CHRM3: variants seen among roughly 807,000 people sequenced by gnomAD.
The protein encoded by CHRM3 is muscarinic acetylcholine receptor M3.
In CHRM3, 11 loss-of-function variants were observed where a neutral mutation model predicts 41.8. The observed-to-expected ratio is 0.26, with a 90% CI of 0.17 to 0.44. CHRM3 has a LOEUF of 0.44. Among genes scored for constraint, CHRM3 ranks in the 20% least tolerant of loss-of-function variants. The probability of loss-of-function intolerance (pLI) is 1.00; values close to 1 mark genes in which losing one functional copy is unlikely to be tolerated. For synonymous variants in CHRM3, 297 were observed against 301.4 expected, an observed-to-expected ratio of 0.99 and a Z score of 0.15; for missense variants, 571 against 745.4, an observed-to-expected ratio of 0.77 and a Z score of 2.72.
At chr1:239,498,757 T>C (rs2148117513) in intron 2 of CHRM3, among the ~76,000 whole-genome samples, 1 of 152,300 alleles carries the variant, frequency 6.6e-6, no homozygotes, top group Admixed American at 6.5e-5. Flanking sequence ...GTTTAAAATG[T>C]ATCATTTCTC....
chr1:239,667,714 A>G (rs1673952346), intron 4 of CHRM3, among the ~76,000 whole-genome samples: 1 of 152,174 alleles, frequency 6.6e-6, no homozygotes, highest in Non-Finnish European at 1.5e-5. Context: ...GTTCTGTGCT[A>G]CAGGCTTTCG....
chr1:239,863,756 G>A (rs1675833935), intron 6 of CHRM3, among the ~76,000 whole-genome samples: 2 of 152,150 alleles, frequency 1.3e-5, no homozygotes, highest in African/African-American at 2.4e-5. Context: ...GGGAAGGGGA[G>A]TAGACAGTGG....
rs745441815 is a variant in CHRM3, at chr1:239,907,538, G to A, written c.87G>A (p.Leu29=). 6.8e-6 allele frequency: 11 copies of A among 1,614,102 alleles called. No homozygotes were observed. Among genetic ancestry groups the A allele is most frequent in the Non-Finnish European group, 7.6e-6 (9 of 1,180,014 alleles). Reference sequence around the variant, plus strand: ...TACACAGCCCCTCCGATGCAGGGCTGCCCCCGGGAACCGTCACTCATTTCG... The same window carrying A: ...TACACAGCCCCTCCGATGCAGGGCTACCCCCGGGAACCGTCACTCATTTCG... The part of the protein sequence containing the change: ...SWIHSPSDAG[L]PPGTVTHFGS... Residue 29 remains leucine, a synonymous_variant, in exon 7 of 7, where the codon CTG becomes CTA. Transcript: ENST00000676153. This position sits in a 1 kb window ranked among gnomAD's most constrained non-coding sequence, Gnocchi z 5.4.
At chr1:239,688,219 A>G (rs1373244691) in intron 5 of CHRM3, among the ~76,000 whole-genome samples, 1 of 148,668 alleles carries the variant, frequency 6.7e-6, no homozygotes, top group Non-Finnish European at 1.5e-5. Context: ...TATAAAACAC[A>G]TGCACATATA....
rs573080024 is a variant in CHRM3 at position 239,684,690 on chromosome 1, GGAGAGA to G, written c.-147+6416_-147+6421del. Reference sequence around the variant, plus strand: ...AGAAAGAAAAAAAGGAAGGAAGGAAGGAGAGAGAGAGAGAGAGAGGAAAGAAGAAAG... The same window carrying G: ...AGAAAGAAAAAAAGGAAGGAAGGAAGGAGAGAGAGAGAGGAAAGAAGAAAG... On this transcript the variant is annotated intron_variant, in intron 5 of 6. Transcript: ENST00000676153. Among the ~76,000 whole-genome samples the G allele has an allele frequency of 6.7e-5, 8 of 119,252 alleles. No homozygotes were observed. In the East Asian group the frequency reaches 1.4e-3, roughly 21 times the overall value. The allele number at this position is 119,252 out of a possible 152,430, so 78.2% of individuals were successfully genotyped here.
chr1:239,640,508 C>T (rs149306132), intron 4 of CHRM3, among the ~76,000 whole-genome samples: 1,955 of 151,574 alleles, frequency 0.013, 56 homozygotes, highest in African/African-American at 0.046. Context: ...GTGTATGTGT[C>T]GAGGAATTTA....
intron 4 of CHRM3, among the ~76,000 whole-genome samples, chr1:239,654,448 G>C (rs1278395324): frequency 6.6e-6 from 1 of 152,208 alleles, no homozygotes; most frequent in Non-Finnish European, 1.5e-5. Context: ...ACCCAGGCTA[G>C]AGTGCAGCAG....
intron 5 of CHRM3, among the ~76,000 whole-genome samples, chr1:239,803,778 T>C (rs1670399244): frequency 6.6e-6 from 1 of 152,140 alleles, no homozygotes. Flanking sequence ...GCTAAGAGTA[T>C]ATACCACATT....
chr1:239,787,373 C>G (rs1452345431), intron 5 of CHRM3, among the ~76,000 whole-genome samples: 2 of 106,700 alleles, frequency 1.9e-5, no homozygotes, highest in African/African-American at 3.6e-5. Flanking sequence ...GCCCCCAGGG[C>G]AGAGGATGAA....
At chr1:239,618,273 C>CT (rs11413091) in intron 3 of CHRM3, among the ~76,000 whole-genome samples, 14,087 of 112,704 alleles carry the variant, frequency 0.12, 1,722 homozygotes, top group African/African-American at 0.27. Context: ...CTTTTTTTTT[C>CT]TTTCTTTTTT....
At chr1:239,840,280 CTG>C (rs1301656573) in intron 6 of CHRM3, among the ~76,000 whole-genome samples, 1 of 152,184 alleles carries the variant, frequency 6.6e-6, no homozygotes, top group African/African-American at 2.4e-5. Flanking sequence ...CCTTGGGACA[CTG>C]TGTAAATTAG....
chr1:239,569,998 T>C lies in CHRM3; in HGVS notation c.-313+24249T>C, dbSNP rs147043457. 7.5e-3 allele frequency among the ~76,000 whole-genome samples: 1,146 copies of C among 152,268 alleles called. 12 individuals carry two copies. Among genetic ancestry groups the C allele is most frequent in the African/African-American group, 0.027 (1,105 of 41,552 alleles). On this transcript the variant is annotated intron_variant, in intron 3 of 6. Transcript: ENST00000676153. Reference sequence around the variant, plus strand: ...GAGGAAATCAAAAGGGATATTTATGTTTTTTTAAAAAACAGCAACAACAAC... The same window carrying C: ...GAGGAAATCAAAAGGGATATTTATGCTTTTTTAAAAAACAGCAACAACAAC...
intron 6 of CHRM3, among the ~76,000 whole-genome samples, chr1:239,850,182 T>C (rs1282875038): frequency 6.6e-6 from 1 of 152,148 alleles, no homozygotes; most frequent in Non-Finnish European, 1.5e-5. Flanking sequence ...GTTATATGTA[T>C]TATATACTGT....
chr1:239,478,865 G>A (rs114564485), intron 1 of CHRM3, among the ~76,000 whole-genome samples: 1,834 of 152,122 alleles, frequency 0.012, 34 homozygotes, highest in African/African-American at 0.042. Flanking sequence ...AATAACTGAT[G>A]GCCTATGGTT....
chr1:239,495,591 C>T lies in CHRM3; in HGVS notation c.-422+2784C>T, dbSNP rs147817589. On this transcript the variant is annotated intron_variant, in intron 2 of 6. Transcript: ENST00000676153. ...GTGTGGCTTAAGCACAGGTAGTTCA[C>T]ATTTGAGAGCCAGCCTTCCTCTCTT... Among the ~76,000 whole-genome samples the T allele has an allele frequency of 1.4e-3, 218 of 152,266 alleles. 4 individuals carry two copies. In the East Asian group the frequency reaches 0.024, roughly 17 times the overall value.
chr1:239,517,350 A>G (rs1207150689), intron 2 of CHRM3, among the ~76,000 whole-genome samples: 1 of 152,226 alleles, frequency 6.6e-6, no homozygotes, highest in Admixed American at 6.5e-5. Flanking sequence ...GCGGAGGTAC[A>G]GAGAGGTTAA....
At chr1:239,418,262 G>A (rs10802765) in intron 1 of CHRM3, among the ~76,000 whole-genome samples, 151,891 of 152,300 alleles carry the variant, frequency 1, 75,745 homozygotes, top group Middle Eastern at 1. Flanking sequence ...CAGCTCATCT[G>A]TGTTTTTAAG....
At chr1:239,589,408 AGCACTGTTCAT>A (rs1025196677) in intron 3 of CHRM3, among the ~76,000 whole-genome samples, 9 of 151,632 alleles carry the variant, frequency 5.9e-5, no homozygotes, top group Admixed American at 2.0e-4. Context: ...GCTAATTACA[AGCACTGTTCAT>A]GAAAAAATCA....
At chr1:239,889,032 G>A (rs1272175694) in intron 6 of CHRM3, among the ~76,000 whole-genome samples, 3 of 152,172 alleles carry the variant, frequency 2.0e-5, no homozygotes, top group African/African-American at 7.2e-5. Flanking sequence ...CTGTCTCATG[G>A]CCAGGGAAGT....
Sources: allele counts gnomAD v4.1 joint callset (sites outside exome capture counted in the v4.1 genomes callset), GRCh38; gene constraint gnomAD v4.1.1; non-coding constraint Gnocchi (gnomAD v3.1); transcripts MANE v1.5; gene names NCBI Gene and HGNC (gene_info 2026-07-23, HGNC 2026-07-21).